CNGB3: variants seen among roughly 807,000 people sequenced by gnomAD.
CNGB3 encodes cyclic nucleotide-gated channel beta-3.
A neutral mutation model predicts 92.8 loss-of-function variants in CNGB3; 86 were observed. The observed-to-expected ratio is 0.93, with a 90% CI of 0.78 to 1.11. The LOEUF (loss-of-function observed/expected upper bound fraction) is 1.11, where lower values mean the gene tolerates loss of function less well. CNGB3 is among the 50% of genes least tolerant of loss of function. The pLI is 0.00. For synonymous variants in CNGB3, 333 were observed against 332.7 expected (o/e 1.00, Z -0.01); for missense variants, 1,026 against 956.8 (o/e 1.07, Z -0.95).
Position 86,713,813 on chromosome 8 carries a change from C to A in CNGB3, c.338+12718G>T, listed in dbSNP as rs560524937. Reference sequence around the variant, plus strand: ...TAAATTTTTTTGAATGTCTGTCACCCCTCTTTAGAAGAGACATTTTATTCT... The same window carrying A: ...TAAATTTTTTTGAATGTCTGTCACCACTCTTTAGAAGAGACATTTTATTCT... On this transcript the variant is annotated intron_variant, in intron 3 of 17. Coordinates refer to ENST00000320005, the MANE Select transcript of CNGB3 (RefSeq NM_019098.5). Among the ~76,000 whole-genome samples the A allele has an allele frequency of 3.3e-5, 5 of 152,088 alleles. No homozygotes were observed. The East Asian group carries it at 9.6e-4, about 29-fold the overall frequency.
intron 4 of CNGB3, 67 bp downstream of exon 4, chr8:86,670,877 A>G: frequency 6.5e-7 from 1 of 1,548,482 alleles, no homozygotes; most frequent in Non-Finnish European, 8.9e-7. Flanking sequence ...CCAAACTAAA[A>G]CATCTGCAAA....
At chr8:86,644,475 C>T in intron 9 of CNGB3, 147 bp downstream of exon 9, 1 of 992,910 alleles carries the variant, frequency 1.0e-6, no homozygotes, top group South Asian at 2.0e-5. Flanking sequence ...CACATCTGTT[C>T]TAGAACATAG....
At chr8:86,725,094 C>A (rs1304485762) in intron 3 of CNGB3, among the ~76,000 whole-genome samples, 1 of 152,124 alleles carries the variant, frequency 6.6e-6, no homozygotes, top group African/African-American at 2.4e-5. Context: ...ATTTATCCCC[C>A]AAAATGTTAG....
intron 3 of CNGB3, among the ~76,000 whole-genome samples, chr8:86,715,833 G>A (rs1247141488): frequency 8.9e-6 from 1 of 112,782 alleles, no homozygotes; most frequent in Non-Finnish European, 1.7e-5. Flanking sequence ...CGTGGGGTGG[G>A]GGGAGGGGGG....
intron 6 of CNGB3, chr8:86,659,611 TC>T: frequency 1.9e-6 from 1 of 535,970 alleles, no homozygotes; most frequent in Non-Finnish European, 3.7e-6. Context: ...ACTCCAACTC[TC>T]CCACACGCGC....
intron 6 of CNGB3, among the ~76,000 whole-genome samples, chr8:86,664,066 G>A (rs1013384639): frequency 1.2e-4 from 18 of 152,072 alleles, no homozygotes; most frequent in African/African-American, 2.7e-4. Flanking sequence ...TTTGTACACC[G>A]TCATCACCAT....
intron 2 of CNGB3, among the ~76,000 whole-genome samples, chr8:86,728,402 A>T (rs952947591): frequency 8.3e-5 from 7 of 84,702 alleles, no homozygotes; most frequent in African/African-American, 5.6e-4. Flanking sequence ...CAAGCTTTTG[A>T]TAAAAAAAGA....
chr8:86,585,309 G>C (rs540245089), intron 15 of CNGB3, among the ~76,000 whole-genome samples: 1 of 151,766 alleles, frequency 6.6e-6, no homozygotes, highest in Non-Finnish European at 1.5e-5. Context: ...ACATTTGTGT[G>C]TATGTATATA....
At chr8:86,582,766 G>T (rs1821814464) in intron 15 of CNGB3, among the ~76,000 whole-genome samples, 1 of 152,148 alleles carries the variant, frequency 6.6e-6, no homozygotes, top group Admixed American at 6.6e-5. Context: ...CAAAGTCATT[G>T]TCAGAAAAAC....
chr8:86,668,382 T>G (rs1823788566), intron 4 of CNGB3, among the ~76,000 whole-genome samples: 2 of 152,060 alleles, frequency 1.3e-5, no homozygotes, highest in African/African-American at 4.8e-5. Context: ...AAATACCTAA[T>G]GTAGATGATG....
At chr8:86,664,193 T>C (rs1823697717) in intron 6 of CNGB3, among the ~76,000 whole-genome samples, 1 of 152,256 alleles carries the variant, frequency 6.6e-6, no homozygotes. Context: ...TTGCCTTTAG[T>C]ATTTCTTTCT....
At chr8:86,678,763 A>T (rs1375994276) in intron 3 of CNGB3, among the ~76,000 whole-genome samples, 1 of 152,178 alleles carries the variant, frequency 6.6e-6, no homozygotes, top group African/African-American at 2.4e-5. Context: ...ACAACAAAAA[A>T]AATTTCATAG....
At chr8:86,640,239 G>T (rs1207009372) in intron 10 of CNGB3, among the ~76,000 whole-genome samples, 1 of 151,668 alleles carries the variant, frequency 6.6e-6, no homozygotes, top group Admixed American at 6.6e-5. Flanking sequence ...GTATTTTATT[G>T]GGTGCATACA....
rs775009244 is a variant in CNGB3, at chr8:86,667,124, T to C, written c.653A>G (p.Tyr218Cys). ...AGTGACAAGCAAGAGCCACAGGAGA[T>C]AGAGTCGATCTGGAAAAACAGCAAG... ...NSIDSYTDRL[Y>C]LLWLLLVTLA... The change falls in exon 6 of 18, where the codon TAT becomes TGT. Residue 218 changes from tyrosine (Y) to cysteine (C), a missense_variant. By Grantham distance (194) the Tyr-to-Cys change is radical (BLOSUM62 -2). Transcript: ENST00000320005. 6 of 1,613,822 alleles carry C rather than the reference T, an allele frequency of 3.7e-6. No individual in the cohort carries two copies. The highest frequency in any genetic ancestry group is 1.1e-5 in the South Asian group (1 of 91,024).
At chr8:86,662,322 T>C (rs796489015) in intron 6 of CNGB3, among the ~76,000 whole-genome samples, 17 of 152,308 alleles carry the variant, frequency 1.1e-4, no homozygotes, top group African/African-American at 2.9e-4. Context: ...CATTCACTCC[T>C]TCAAACATTT....
chr8:86,659,017 G>T, intron 6 of CNGB3: 1 of 1,021,866 alleles, frequency 9.8e-7, no homozygotes, highest in Non-Finnish European at 1.5e-6. Context: ...TCCTTCCGCA[G>T]GTGCTCGGCC....
intron 15 of CNGB3, among the ~76,000 whole-genome samples, chr8:86,585,112 A>G (rs920903996): frequency 1.2e-4 from 19 of 152,142 alleles, no homozygotes; most frequent in Admixed American, 1.2e-3. Flanking sequence ...TAGTGTGCCA[A>G]AGTTGGGTGA....
intron 6 of CNGB3, among the ~76,000 whole-genome samples, chr8:86,666,225 C>T (rs1823736714): frequency 6.6e-6 from 1 of 152,286 alleles, no homozygotes; most frequent in Non-Finnish European, 1.5e-5. Context: ...GCTTGATTAC[C>T]AGAGGACTAT....
At chr8:86,659,187 G>T in intron 6 of CNGB3, 1 of 714,064 alleles carries the variant, frequency 1.4e-6, no homozygotes, top group South Asian at 1.6e-5. Context: ...CACCTGCTCT[G>T]ACATCGGCTG....
Sources: allele counts gnomAD v4.1 joint callset (sites outside exome capture counted in the v4.1 genomes callset), GRCh38; gene constraint gnomAD v4.1.1; transcripts MANE v1.5; gene names NCBI Gene and HGNC (gene_info 2026-07-23, HGNC 2026-07-21).